The following LRP1B variants were observed in gnomAD, a reference collection of about 807,000 sequenced individuals.
LRP1B encodes low-density lipoprotein receptor-related protein 1B.
Under a neutral mutation model 556.6 loss-of-function variants are expected in LRP1B, and 217 were observed. The ratio of observed to expected loss-of-function variants is 0.39; its 90% CI spans 0.35 to 0.44. LRP1B has a LOEUF of 0.44. Ranked by LOEUF, LRP1B falls within the 20% of genes least tolerant of loss-of-function variation. The pLI is 1.00. For missense variants in LRP1B, 5,053 were observed against 5,620.8 expected, an observed-to-expected ratio of 0.90 and a Z score of 3.23; for synonymous variants, 2,047 against 1,865.8, an observed-to-expected ratio of 1.10 and a Z score of -2.50.
intron 2 of LRP1B, among the ~76,000 whole-genome samples, chr2:141,761,070 A>G (rs1274585091): frequency 6.6e-6 from 1 of 152,184 alleles, no homozygotes; most frequent in Admixed American, 6.5e-5. Context: ...ATGAGCATGT[A>G]CGTTTTATAA....
intron 3 of LRP1B, among the ~76,000 whole-genome samples, chr2:141,372,502 A>G (rs192394796): frequency 1.1e-3 from 163 of 152,052 alleles, no homozygotes; most frequent in Non-Finnish European, 2.1e-3. Flanking sequence ...TGTGCATCCA[A>G]CTGGTCCTGG....
intron 2 of LRP1B, among the ~76,000 whole-genome samples, chr2:141,543,863 C>A (rs1180617094): frequency 1.3e-5 from 2 of 152,056 alleles, no homozygotes; most frequent in Non-Finnish European, 2.9e-5. Context: ...GTCCATGGTG[C>A]AAGGTCTCAT....
At chr2:141,035,450 G>A (rs926866836) in intron 11 of LRP1B, among the ~76,000 whole-genome samples, 18 of 151,814 alleles carry the variant, frequency 1.2e-4, no homozygotes, top group African/African-American at 4.1e-4. Context: ...TTAGTCCCTC[G>A]TTTCATTTAT....
At chr2:140,713,047 C>A (rs558942390) in intron 37 of LRP1B, among the ~76,000 whole-genome samples, 3 of 151,920 alleles carry the variant, frequency 2.0e-5, no homozygotes, top group African/African-American at 7.3e-5. Flanking sequence ...CTTGGGTAAC[C>A]TCGTACACTA....
rs77026171 is a variant in LRP1B at position 141,107,900 on chromosome 2, T to C, written c.1014-45627A>G. Among the ~76,000 whole-genome samples the C allele has an allele frequency of 5.6e-4, 85 of 152,242 alleles. 1 individual carries two copies. Among genetic ancestry groups the C allele is most frequent in the South Asian group, 8.3e-4 (4 of 4,826 alleles). On this transcript the variant is annotated intron_variant, in intron 7 of 90. Coordinates refer to ENST00000389484, the MANE Select transcript of LRP1B (RefSeq NM_018557.3). ...CAACGTGTATGTAACTAAGTGAAGTTTGCTATTTAAAATTGGTAAATCACA... is the reference window on the plus strand; with the variant it reads ...CAACGTGTATGTAACTAAGTGAAGTCTGCTATTTAAAATTGGTAAATCACA...
chr2:142,049,170 A>G (rs1451646264), intron 1 of LRP1B, among the ~76,000 whole-genome samples: 1 of 152,102 alleles, frequency 6.6e-6, no homozygotes, highest in South Asian at 2.1e-4. Flanking sequence ...TACTAAGTGC[A>G]TGAACAATCA....
At chr2:141,904,245 C>T (rs1699696803) in intron 1 of LRP1B, among the ~76,000 whole-genome samples, 1 of 151,722 alleles carries the variant, frequency 6.6e-6, no homozygotes, top group African/African-American at 2.4e-5. Flanking sequence ...TTTATGTAGT[C>T]CAGGCTGGGT....
intron 1 of LRP1B, among the ~76,000 whole-genome samples, chr2:141,845,586 A>T (rs1038295119): frequency 1.3e-5 from 2 of 151,848 alleles, no homozygotes; most frequent in African/African-American, 4.8e-5. Context: ...TAGGCCACCC[A>T]TTCTTACCTT....
At chr2:141,883,194 G>A (rs2104897868) in intron 1 of LRP1B, among the ~76,000 whole-genome samples, 2 of 152,210 alleles carry the variant, frequency 1.3e-5, no homozygotes, top group Non-Finnish European at 2.9e-5. Context: ...AAGCCAACAA[G>A]GAGAAATATT....
intron 2 of LRP1B, among the ~76,000 whole-genome samples, chr2:141,710,151 C>A (rs1246903912): frequency 6.6e-6 from 1 of 152,114 alleles, no homozygotes; most frequent in Non-Finnish European, 1.5e-5. Flanking sequence ...CTATAGCAAC[C>A]AGCATTGCCT....
intron 62 of LRP1B, among the ~76,000 whole-genome samples, chr2:140,452,038 T>C (rs1184209322): frequency 1.3e-5 from 2 of 152,160 alleles, no homozygotes; most frequent in Admixed American, 1.3e-4. Context: ...AGTAAGTGAA[T>C]TGTTATATGG....
rs558669009 is a variant in LRP1B, at chr2:141,726,704, C to T, written c.205+83575G>A. ...GGTGGCTTATAAAAAATAAACCCAA[C>T]CAGTCAAATTCAATAGATTATTTCC... On this transcript the variant is annotated intron_variant, in intron 2 of 90. Transcript: ENST00000389484. Among the ~76,000 whole-genome samples the T allele has an allele frequency of 2.6e-5, 4 of 152,086 alleles. No individual in the cohort carries two copies. In the South Asian group the frequency reaches 8.3e-4, roughly 32 times the overall value.
chr2:141,558,289 G>A (rs1463570412), intron 2 of LRP1B, among the ~76,000 whole-genome samples: 2 of 151,820 alleles, frequency 1.3e-5, no homozygotes, highest in African/African-American at 4.8e-5. Context: ...GTAAAGTTAT[G>A]TTAGGAAAGG....
chr2:141,237,969 T>C (rs1031748422), intron 5 of LRP1B, among the ~76,000 whole-genome samples: 1 of 152,080 alleles, frequency 6.6e-6, no homozygotes, highest in Non-Finnish European at 1.5e-5. Flanking sequence ...CTTTACTGAA[T>C]TAACACATTG....
chr2:141,846,793 T>TA (rs1328865446), intron 1 of LRP1B, among the ~76,000 whole-genome samples: 6 of 151,240 alleles, frequency 4.0e-5, no homozygotes, highest in African/African-American at 4.8e-5. Flanking sequence ...TATCTTTTAA[T>TA]AAAAAAAATA....
chr2:140,266,554 A>C (rs573587685), intron 86 of LRP1B, among the ~76,000 whole-genome samples: 56 of 152,070 alleles, frequency 3.7e-4, no homozygotes, highest in African/African-American at 8.7e-4. Context: ...ACTGTCCCCA[A>C]TATATCTCTT....
At chr2:140,882,433 C>T (rs891395685) in intron 25 of LRP1B, among the ~76,000 whole-genome samples, 1 of 152,150 alleles carries the variant, frequency 6.6e-6, no homozygotes, top group Non-Finnish European at 1.5e-5. Flanking sequence ...TACTTCCAGG[C>T]TAAGAGAAAC....
Position 140,541,761 on chromosome 2 carries a change from C to A in LRP1B, c.7387+18G>T, listed in dbSNP as rs1409574153. The A allele has an allele frequency of 6.4e-7, 1 of 1,568,806 alleles. No homozygotes were observed. Among genetic ancestry groups the A allele is most frequent in the Non-Finnish European group, 8.7e-7 (1 of 1,146,960 alleles). The stretch of plus-strand genomic sequence containing the variant: ...ATTATACAATGAAAAAACACATTTG[C>A]TTTCTATTATAACTTACAGCTATTG... On this transcript the variant is annotated intron_variant, in intron 44 of 90. Transcript: ENST00000389484.
intron 5 of LRP1B, among the ~76,000 whole-genome samples, chr2:141,242,025 G>C (rs1258705832): frequency 6.6e-6 from 1 of 151,814 alleles, no homozygotes; most frequent in Non-Finnish European, 1.5e-5. Flanking sequence ...TACTGAAACA[G>C]ATCTTATCCA....
Sources: gnomAD v4.1 joint callset for allele counts (sites outside exome capture counted in the v4.1 genomes callset) on GRCh38, gnomAD v4.1.1 for gene constraint, MANE v1.5 for transcripts, NCBI Gene and HGNC (gene_info 2026-07-23, HGNC 2026-07-21) for gene names.